The following NXPE2 variants were observed in gnomAD, a reference collection of about 807,000 sequenced individuals.
NXPE2 encodes the protein NXPE family member 2.
NXPE2 carries 34 observed loss-of-function variants against 34.4 expected under a neutral mutation model. That is an observed-to-expected ratio of 0.99 (90% CI 0.75 to 1.31). NXPE2 has a LOEUF of 1.31. Among genes scored for constraint, NXPE2 ranks in the 40% most tolerant of loss-of-function variants. The probability of loss-of-function intolerance (pLI) is 0.00; values close to 1 mark genes in which losing one functional copy is unlikely to be tolerated. For synonymous variants in NXPE2, 235 were observed against 231.3 expected, an observed-to-expected ratio of 1.02 and a Z score of -0.15; for missense variants, 649 against 672.5, an observed-to-expected ratio of 0.97 and a Z score of 0.39.
the NXPE2 span, among the ~76,000 whole-genome samples, chr11:114,465,377 TAAGC>T: frequency 6.6e-6 from 1 of 152,086 alleles, no homozygotes; most frequent in East Asian, 1.9e-4. Context: ...TTGTGCAAAA[TAAGC>T]AGGCTGCAAA....
At chr11:114,534,349 A>G in the NXPE2 span, among the ~76,000 whole-genome samples, 6 of 152,330 alleles carry the variant, frequency 3.9e-5, no homozygotes, top group African/African-American at 1.4e-4. Context: ...ACAGAGCAGA[A>G]AAACCGGAAA....
At chr11:114,635,484 A>T in the NXPE2 span, among the ~76,000 whole-genome samples, 4 of 151,990 alleles carry the variant, frequency 2.6e-5, no homozygotes, top group Non-Finnish European at 5.9e-5. Context: ...TGCCCTGGCC[A>T]GAACTTCCAG....
the NXPE2 span, among the ~76,000 whole-genome samples, chr11:114,514,225 T>C: frequency 7.2e-5 from 11 of 152,350 alleles, no homozygotes; most frequent in Non-Finnish European, 1.3e-4. Flanking sequence ...TTCTACTGTA[T>C]GGATTATTTA....
At chr11:114,525,746 G>A in the NXPE2 span, among the ~76,000 whole-genome samples, 396 of 152,200 alleles carry the variant, frequency 2.6e-3, 4 homozygotes, top group Middle Eastern at 0.01. Flanking sequence ...TTGCTTGCCC[G>A]CCCTGTAGGT....
At chr11:114,742,558 G>A in the NXPE2 span, among the ~76,000 whole-genome samples, 5,574 of 151,838 alleles carry the variant, frequency 0.037, 351 homozygotes, top group African/African-American at 0.13. Flanking sequence ...ATGCTTCCTT[G>A]GAGAGGGGTG....
chr11:114,748,884 G>C, the NXPE2 span, among the ~76,000 whole-genome samples: 1 of 152,088 alleles, frequency 6.6e-6, no homozygotes. Flanking sequence ...GAATACATAT[G>C]GTTTCCATTT....
At chr11:114,662,202 A>G in the NXPE2 span, among the ~76,000 whole-genome samples, 5 of 150,102 alleles carry the variant, frequency 3.3e-5, no homozygotes, top group Non-Finnish European at 5.9e-5. Flanking sequence ...TTGGTGACAT[A>G]GTGTGGAGAG....
the NXPE2 span, chr11:114,570,908 A>G: frequency 1.3e-6 from 2 of 1,486,970 alleles, no homozygotes; most frequent in Non-Finnish European, 1.8e-6. Flanking sequence ...TTTTTTACTT[A>G]AGTGAATGAA....
the NXPE2 span, among the ~76,000 whole-genome samples, chr11:114,563,845 A>G: frequency 6.6e-6 from 1 of 152,232 alleles, no homozygotes; most frequent in African/African-American, 2.4e-5. Flanking sequence ...GATGTAGTGA[A>G]AAGGGAACAC....
At chr11:114,805,452 G>T in the NXPE2 span, among the ~76,000 whole-genome samples, 3 of 152,328 alleles carry the variant, frequency 2.0e-5, no homozygotes, top group South Asian at 6.2e-4. Flanking sequence ...AGAAAGGGGT[G>T]ACAGACACCA....
chr11:114,684,645 A>G (rs1951011351), intron 2 of NXPE2, among the ~76,000 whole-genome samples: 1 of 152,058 alleles, frequency 6.6e-6, no homozygotes, highest in African/African-American at 2.4e-5. Context: ...TGAGAAACTT[A>G]ATTGGTAGGG....
chr11:114,804,191 C>T, the NXPE2 span, among the ~76,000 whole-genome samples: 1 of 151,092 alleles, frequency 6.6e-6, no homozygotes, highest in Non-Finnish European at 1.5e-5. Context: ...GGAAGCTCAT[C>T]AAGTATCAGG....
At chr11:114,578,201 A>G in the NXPE2 span, among the ~76,000 whole-genome samples, 1 of 152,292 alleles carries the variant, frequency 6.6e-6, no homozygotes, top group East Asian at 1.9e-4. Flanking sequence ...AGGCTGGAAA[A>G]CAGAGATGCT....
intron 3 of NXPE2, among the ~76,000 whole-genome samples, chr11:114,699,284 C>G (rs1307006591): frequency 6.6e-6 from 1 of 152,176 alleles, no homozygotes; most frequent in Non-Finnish European, 1.5e-5. Context: ...CATCATACCT[C>G]AGATCCTTGC....
At chr11:114,750,827 G>A in the NXPE2 span, among the ~76,000 whole-genome samples, 1 of 152,204 alleles carries the variant, frequency 6.6e-6, no homozygotes, top group Non-Finnish European at 1.5e-5. Context: ...CACATATTTG[G>A]TTGCTTTTTA....
At chr11:114,485,843 C>T in the NXPE2 span, among the ~76,000 whole-genome samples, 188 of 152,226 alleles carry the variant, frequency 1.2e-3, no homozygotes, top group African/African-American at 4.1e-3. Flanking sequence ...TTGTTTTTTA[C>T]GGCTAAATAG....
the NXPE2 span, among the ~76,000 whole-genome samples, chr11:114,493,390 TC>T: frequency 6.6e-6 from 1 of 152,252 alleles, no homozygotes; most frequent in Non-Finnish European, 1.5e-5. Flanking sequence ...GGTCTTCTCT[TC>T]CTTCTTTCCC....
At chr11:114,659,029 A>G in the NXPE2 span, among the ~76,000 whole-genome samples, 1 of 152,180 alleles carries the variant, frequency 6.6e-6, no homozygotes, top group Middle Eastern at 3.2e-3. Flanking sequence ...TTGTCAAAAC[A>G]ATACTCACCT....
chr11:114,630,684 A>G, the NXPE2 span, among the ~76,000 whole-genome samples: 2 of 151,020 alleles, frequency 1.3e-5, no homozygotes, highest in Non-Finnish European at 1.5e-5. Flanking sequence ...GGATCTAATT[A>G]AACTAAAGAG....
Sources: allele counts gnomAD v4.1 joint callset (sites outside exome capture counted in the v4.1 genomes callset), GRCh38; gene constraint gnomAD v4.1.1; transcripts MANE v1.5; gene names NCBI Gene and HGNC (gene_info 2026-07-23, HGNC 2026-07-21).